Variants in FBXW7 observed in about 807,000 individuals in gnomAD.
FBXW7 encodes F-box and WD repeat domain containing 7, also known as F-box/WD repeat-containing protein 7.
Under a neutral mutation model 86.3 loss-of-function variants are expected in FBXW7, and 11 were observed. The observed-to-expected ratio is 0.13, with a 90% CI of 0.08 to 0.21. The LOEUF is 0.21. Ranked by LOEUF, FBXW7 falls within the 10% of genes least tolerant of loss-of-function variation. FBXW7 has a pLI of 1.00. For synonymous variants in FBXW7, 313 were observed against 297.9 expected (o/e 1.05, Z -0.52); for missense variants, 488 against 847.4 (o/e 0.58, Z 5.27).
In FBXW7 at chr4:152,429,332, A is replaced by G. The variant is rs558299534; in HGVS notation, c.-119-16803T>C. Among the ~76,000 whole-genome samples the G allele has an allele frequency of 5.8e-5, 7 of 120,996 alleles. No individual in the cohort carries two copies. The South Asian group carries it at 1.6e-3, about 28-fold the overall frequency. 79.4% of individuals were successfully genotyped at this position (120,996 alleles called of 152,430 possible). A position where few individuals can be genotyped will look rare whatever the true frequency, so the allele number is the denominator to read the frequency against. ...AGTCTAGACAAAACACTTTAATCAA[A>G]TCTCATTTGATTTCTTTTACTTTGT... On this transcript the variant is annotated intron_variant, in intron 2 of 13. Coordinates refer to ENST00000281708, the MANE Select transcript of FBXW7 (RefSeq NM_001349798.2).
At chr4:152,512,853 C>T (rs933188803) in intron 2 of FBXW7, among the ~76,000 whole-genome samples, 1 of 151,924 alleles carries the variant, frequency 6.6e-6, no homozygotes, top group African/African-American at 2.4e-5. Context: ...TGAAAACGAC[C>T]GAATATTTAT....
At chr4:152,348,967 T>G (rs531928497) in intron 5 of FBXW7, among the ~76,000 whole-genome samples, 9 of 152,202 alleles carry the variant, frequency 5.9e-5, no homozygotes, top group Admixed American at 3.9e-4. Flanking sequence ...GATAGCTTTA[T>G]TTTTCTTTTC....
At chr4:152,376,154 ATATT>A (rs1424144814) in intron 4 of FBXW7, among the ~76,000 whole-genome samples, 5 of 152,246 alleles carry the variant, frequency 3.3e-5, no homozygotes, top group African/African-American at 1.2e-4. Context: ...TCTACATTAC[ATATT>A]TAACATGTCT....
chr4:152,327,597 C>G (rs1391829732), intron 11 of FBXW7, among the ~76,000 whole-genome samples: 2 of 151,948 alleles, frequency 1.3e-5, no homozygotes, highest in South Asian at 4.1e-4. Context: ...AAAACTGGAT[C>G]GAGGATTTCT....
chr4:152,405,030 T>C (rs1216880635), intron 4 of FBXW7, among the ~76,000 whole-genome samples: 1 of 141,720 alleles, frequency 7.1e-6, no homozygotes, highest in East Asian at 2.1e-4. Context: ...AGGTGGAGGC[T>C]GCAGTGAGCC....
At chr4:152,440,040 G>A (rs1475732145) in intron 2 of FBXW7, among the ~76,000 whole-genome samples, 3 of 151,852 alleles carry the variant, frequency 2.0e-5, no homozygotes, top group Admixed American at 2.0e-4. Flanking sequence ...GCCCATTTTT[G>A]TTTTAAGAAA....
intron 4 of FBXW7, among the ~76,000 whole-genome samples, chr4:152,385,304 A>G (rs1374394048): frequency 6.6e-6 from 1 of 152,038 alleles, no homozygotes; most frequent in African/African-American, 2.4e-5. Context: ...ATTTAGAAAA[A>G]TGAATCAAAG....
intron 4 of FBXW7, among the ~76,000 whole-genome samples, chr4:152,377,343 T>C (rs1416490612): frequency 1.3e-5 from 2 of 152,186 alleles, no homozygotes; most frequent in African/African-American, 2.4e-5. Flanking sequence ...GATTAAAATA[T>C]AAAAAGTAGC....
intron 2 of FBXW7, among the ~76,000 whole-genome samples, chr4:152,427,067 C>T (rs1335700674): frequency 1.3e-5 from 2 of 152,032 alleles, no homozygotes; most frequent in African/African-American, 2.4e-5. Flanking sequence ...AAAGTCATGC[C>T]ACATGAGGAA....
chr4:152,412,695 A>C (rs915829906), intron 2 of FBXW7, 166 bp from the exon 3 acceptor site: 1 of 152,106 alleles, frequency 6.6e-6, no homozygotes, highest in African/African-American at 2.4e-5. Context: ...ATCCCTAAAC[A>C]TGACGTTCAT....
intron 2 of FBXW7, among the ~76,000 whole-genome samples, chr4:152,490,224 T>A (rs1008240553): frequency 3.3e-5 from 5 of 152,218 alleles, no homozygotes; most frequent in South Asian, 4.2e-4. Context: ...TTTGCGATGA[T>A]GAAAAACTTC....
Position 152,411,783 on chromosome 4 carries a change from A to C in FBXW7, c.21T>G (p.Ser7=). The stretch of plus-strand genomic sequence containing the variant: ...CAGTTCGTCGTCTTTTGCTGCCCAC[A>C]GAGAGCAGTTCCTGATTCATTTCCA... MNQELL[S]VGSKRRRTGG... The change falls in exon 4 of 14, where the codon TCT becomes TCG. Residue 7 remains serine, a synonymous_variant. Transcript: ENST00000281708. 3 of 1,611,712 alleles carry C rather than the reference A, an allele frequency of 1.9e-6. No homozygotes were observed. The highest frequency in any genetic ancestry group is 2.5e-6 in the Non-Finnish European group (3 of 1,178,876).
At chr4:152,393,010 T>G (rs1736122246) in intron 4 of FBXW7, among the ~76,000 whole-genome samples, 1 of 152,202 alleles carries the variant, frequency 6.6e-6, no homozygotes, top group Non-Finnish European at 1.5e-5. Context: ...TGCTTTTGTC[T>G]ATATTCCAAG....
chr4:152,476,235 G>C (rs1015899470), intron 2 of FBXW7, among the ~76,000 whole-genome samples: 5 of 152,170 alleles, frequency 3.3e-5, no homozygotes, highest in African/African-American at 1.2e-4. Context: ...GGAAAAGATA[G>C]TCTCTTCAAC....
At chr4:152,447,792 A>T (rs1248565136) in intron 2 of FBXW7, among the ~76,000 whole-genome samples, 1 of 152,208 alleles carries the variant, frequency 6.6e-6, no homozygotes, top group East Asian at 1.9e-4. Flanking sequence ...TCAAGAGATC[A>T]AGAACCTTAC....
chr4:152,489,744 G>A (rs1745666587), intron 2 of FBXW7, among the ~76,000 whole-genome samples: 1 of 151,794 alleles, frequency 6.6e-6, no homozygotes, highest in Admixed American at 6.6e-5. Flanking sequence ...AACATCCCTG[G>A]AACTGAAACC....
intron 2 of FBXW7, among the ~76,000 whole-genome samples, chr4:152,423,432 T>C (rs1739118083): frequency 6.6e-6 from 1 of 152,192 alleles, no homozygotes; most frequent in Admixed American, 6.5e-5. Flanking sequence ...AATTTTAAAA[T>C]TATAATTTTC....
At chr4:152,453,551 C>T (rs1242134698) in intron 2 of FBXW7, among the ~76,000 whole-genome samples, 1 of 151,978 alleles carries the variant, frequency 6.6e-6, no homozygotes, top group Non-Finnish European at 1.5e-5. Flanking sequence ...TTTTATATTT[C>T]AAGGAGAAGG....
At chr4:152,440,808 C>T (rs533787209) in intron 2 of FBXW7, among the ~76,000 whole-genome samples, 13 of 152,128 alleles carry the variant, frequency 8.5e-5, no homozygotes, top group African/African-American at 3.1e-4. Flanking sequence ...GTCCTATATG[C>T]TTTATATAGA....
Sources: gnomAD v4.1 joint callset for allele counts (sites outside exome capture counted in the v4.1 genomes callset) on GRCh38, gnomAD v4.1.1 for gene constraint, MANE v1.5 for transcripts, NCBI Gene and HGNC (gene_info 2026-07-23, HGNC 2026-07-21) for gene names.